Variants in SOX30 observed in about 807,000 individuals in gnomAD.
SOX30 encodes the protein transcription factor SOX-30.
A neutral mutation model predicts 58.6 loss-of-function variants in SOX30; 17 were observed. That is an observed-to-expected ratio of 0.29 (90% CI 0.20 to 0.44). The LOEUF (loss-of-function observed/expected upper bound fraction) is 0.44, where lower values mean the gene tolerates loss of function less well. Ranked by LOEUF, SOX30 falls within the 20% of genes least tolerant of loss-of-function variation. The pLI is 1.00. For synonymous variants in SOX30, 421 were observed against 400.2 expected, an observed-to-expected ratio of 1.05 and a Z score of -0.62; for missense variants, 951 against 965.8, an observed-to-expected ratio of 0.98 and a Z score of 0.20.
At position 157,651,176 on chromosome 5, in the gene SOX30, T is replaced by C; in HGVS notation, c.903A>G (p.Leu301=). 6.2e-7 allele frequency: 1 copy of C among 1,607,368 alleles called. No homozygotes were observed. The highest frequency in any genetic ancestry group is 8.5e-7 in the Non-Finnish European group (1 of 1,176,750). Reference sequence around the variant, plus strand: ...TTTCAATTTTTACAGAAGGCTCCAGTAGGGACTGCATTTTAGTAGGCACTG... The same window carrying C: ...TTTCAATTTTTACAGAAGGCTCCAGCAGGGACTGCATTTTAGTAGGCACTG... ...LTPVPTKMQS[L]LEPSVKIETK... Residue 301 remains leucine, a synonymous_variant, in exon 1 of 5, where the codon CTA becomes CTG. Transcript: ENST00000265007.
chr5:157,658,531 A>G (rs1439949115), intron 2 of SOX30, among the ~76,000 whole-genome samples: 1 of 152,250 alleles, frequency 6.6e-6, no homozygotes, highest in East Asian at 1.9e-4. Context: ...TCTTCCAGAT[A>G]TCACCTTTTG....
chr5:157,644,683 A>G (rs1759146403), intron 3 of SOX30, among the ~76,000 whole-genome samples: 1 of 152,190 alleles, frequency 6.6e-6, no homozygotes, highest in Admixed American at 6.5e-5. Flanking sequence ...TGAAAACAGA[A>G]ATCATAACAT....
intron 1 of SOX30, among the ~76,000 whole-genome samples, chr5:157,669,988 TAG>T (rs1581412701): frequency 6.6e-6 from 1 of 152,206 alleles, no homozygotes; most frequent in East Asian, 1.9e-4. Context: ...TGCCTTGTTC[TAG>T]AGACTATATG....
upstream of SOX30, among the ~76,000 whole-genome samples, chr5:157,655,749 C>G (rs2113854367): frequency 6.6e-6 from 1 of 152,292 alleles, no homozygotes; most frequent in East Asian, 1.9e-4. Flanking sequence ...GCTGTCGTCT[C>G]TCTCTGTGCA....
At chr5:157,664,392 G>T (rs1024944762) in intron 2 of SOX30, among the ~76,000 whole-genome samples, 4 of 152,158 alleles carry the variant, frequency 2.6e-5, no homozygotes, top group African/African-American at 9.6e-5. Context: ...GCTAGCCATA[G>T]ATAGAAAGCT....
chr5:157,648,584 T>C (rs966086512), intron 2 of SOX30, 73 bp downstream of exon 2: 5 of 1,433,252 alleles, frequency 3.5e-6, no homozygotes, highest in Non-Finnish European at 4.7e-6. Flanking sequence ...TGTCTTTCAA[T>C]CTCAACCTAC....
intron 2 of SOX30, among the ~76,000 whole-genome samples, chr5:157,665,592 G>C (rs1317763160): frequency 1.4e-5 from 2 of 144,504 alleles, no homozygotes; most frequent in African/African-American, 5.2e-5. Flanking sequence ...AAAACTTAAA[G>C]TATAATAAAA....
chr5:157,628,011 C>T (rs1482920741), intron 4 of SOX30, among the ~76,000 whole-genome samples: 1 of 149,712 alleles, frequency 6.7e-6, no homozygotes, highest in Admixed American at 6.7e-5. Flanking sequence ...AAAAAAAAGT[C>T]AAATCCAAAA....
At chr5:157,637,290 T>TAA (rs1474671966) in intron 4 of SOX30, among the ~76,000 whole-genome samples, 1 of 152,198 alleles carries the variant, frequency 6.6e-6, no homozygotes, top group East Asian at 1.9e-4. Flanking sequence ...ATTGGTAATT[T>TAA]ATGTGGGAAA....
At chr5:157,636,567 T>A (rs1758931906) in intron 4 of SOX30, among the ~76,000 whole-genome samples, 1 of 152,164 alleles carries the variant, frequency 6.6e-6, no homozygotes, top group Non-Finnish European at 1.5e-5. Context: ...AAACCCTAGA[T>A]GACAAAAATC....
intron 2 of SOX30, among the ~76,000 whole-genome samples, chr5:157,662,616 CA>C (rs1264629938): frequency 8.5e-5 from 13 of 152,256 alleles, no homozygotes; most frequent in African/African-American, 2.9e-4. Context: ...GCCTCCCCCA[CA>C]AAAATCTGAT....
chr5:157,644,503 T>C lies in SOX30; in HGVS notation c.1387+2134A>G, dbSNP rs80250748. On this transcript the variant is annotated intron_variant, in intron 3 of 4. Coordinates refer to ENST00000265007, the MANE Select transcript of SOX30 (RefSeq NM_178424.2). ...AATCTTCCAGTTTCTACTAAACCCTTATCTTTGCTCAGAATGGCATAAAAT... is the reference window on the plus strand; with the variant it reads ...AATCTTCCAGTTTCTACTAAACCCTCATCTTTGCTCAGAATGGCATAAAAT... 1.3e-3 allele frequency among the ~76,000 whole-genome samples: 192 copies of C among 152,312 alleles called. 2 individuals are homozygous for C. The highest frequency in any genetic ancestry group is 4.3e-3 in the African/African-American group (179 of 41,560).
chr5:157,664,004 A>G (rs1759622303), intron 2 of SOX30, among the ~76,000 whole-genome samples: 2 of 151,472 alleles, frequency 1.3e-5, no homozygotes, highest in South Asian at 2.1e-4. Context: ...AATCAATATC[A>G]TGAAAATGGC....
rs530392061 is a variant in SOX30, at chr5:157,648,978, C to G, written c.968-82G>C. 59 of 1,479,874 alleles carry G rather than the reference C, an allele frequency of 4.0e-5. No individual in the cohort carries two copies. In the African/African-American group the frequency reaches 5.6e-4, roughly 14 times the overall value. 91.7% of individuals were successfully genotyped at this position (1,479,874 alleles called of 1,614,324 possible). A position where few individuals can be genotyped will look rare whatever the true frequency, so the allele number is the denominator to read the frequency against. ...ATTTTAAGGTAAAGTGCACCTCCGT[C>G]TATACTTATTTTTGAAATATCTGGA... On this transcript the variant is annotated intron_variant, in intron 1 of 4. Transcript: ENST00000265007.
chr5:157,636,463 G>C (rs996298366), intron 4 of SOX30, among the ~76,000 whole-genome samples: 4 of 151,954 alleles, frequency 2.6e-5, no homozygotes, highest in Non-Finnish European at 5.9e-5. Flanking sequence ...CAACCTCCCC[G>C]GCCTTAAATT....
upstream of SOX30, among the ~76,000 whole-genome samples, chr5:157,654,656 T>A (rs979653851): frequency 6.6e-6 from 1 of 152,168 alleles, no homozygotes; most frequent in African/African-American, 2.4e-5. Flanking sequence ...CAGGATGAGA[T>A]AGGAGGCTGG....
rs905081117 is a variant in SOX30 at position 157,667,661 on chromosome 5, C to A, written c.52+137G>T. The A allele has an allele frequency of 3.3e-6, 4 of 1,213,366 alleles. No individual in the cohort carries two copies. In the African/African-American group the frequency reaches 4.7e-5, roughly 14 times the overall value. 75.2% of individuals were successfully genotyped at this position (1,213,366 alleles called of 1,614,324 possible). Reference sequence around the variant, plus strand: ...GGCTGAGGCAGGAGAACCACTTGAACCCAGGTCGCAGAGGCTGCAGTGACC... The same window carrying A: ...GGCTGAGGCAGGAGAACCACTTGAAACCAGGTCGCAGAGGCTGCAGTGACC... On this transcript the variant is annotated intron_variant, in intron 2 of 5. Coordinates refer to the SOX30 transcript ENST00000519442.
At chr5:157,631,010 T>C (rs1346953404) in intron 4 of SOX30, among the ~76,000 whole-genome samples, 2 of 129,548 alleles carry the variant, frequency 1.5e-5, no homozygotes, top group Non-Finnish European at 3.2e-5. Flanking sequence ...TTTATATATA[T>C]ACTATATATT....
chr5:157,666,340 T>G (rs985822896), intron 2 of SOX30, among the ~76,000 whole-genome samples: 1 of 151,564 alleles, frequency 6.6e-6, no homozygotes, highest in Admixed American at 6.6e-5. Context: ...TTTGTATTTT[T>G]GTAGAGATAG....
Sources: gnomAD v4.1 joint callset for allele counts (sites outside exome capture counted in the v4.1 genomes callset) on GRCh38, gnomAD v4.1.1 for gene constraint, MANE v1.5 for transcripts, NCBI Gene and HGNC (gene_info 2026-07-23, HGNC 2026-07-21) for gene names.